Variants in L3MBTL1 observed in about 807,000 individuals in gnomAD.
L3MBTL1 encodes L3MBTL histone methyl-lysine binding protein 1, also known as lethal(3)malignant brain tumor-like protein 1.
Under a neutral mutation model 105.3 loss-of-function variants are expected in L3MBTL1, and 75 were observed. The observed-to-expected ratio is 0.71, with a 90% CI of 0.59 to 0.86. L3MBTL1 has a LOEUF of 0.86. Among genes scored for constraint, L3MBTL1 ranks in the 40% least tolerant of loss-of-function variants. The pLI, the probability that L3MBTL1 is intolerant of heterozygous loss-of-function variation, is 0.00. For missense variants in L3MBTL1, 1,069 were observed against 1,126.4 expected (o/e 0.95, Z 0.73); for synonymous variants, 452 against 436.2 (o/e 1.04, Z -0.45).
chr20:43,533,340 A>T lies in L3MBTL1; in HGVS notation c.1437-2A>T, dbSNP rs759312167. On this transcript the variant is annotated splice_acceptor_variant, in intron 12 of 21. Coordinates refer to ENST00000418998, the MANE Select transcript of L3MBTL1 (RefSeq NM_001377303.1). LOFTEE classifies it high-confidence loss of function. Reference sequence around the variant, plus strand: ...GGACAGTGACATGTTCTTGGATTTCAGGTGTGATCCCAGCAGCCCCTACAT... The same window carrying T: ...GGACAGTGACATGTTCTTGGATTTCTGGTGTGATCCCAGCAGCCCCTACAT... 6.2e-7 allele frequency: 1 copy of T among 1,613,388 alleles called. No homozygotes were observed. The highest frequency in any genetic ancestry group is 8.5e-7 in the Non-Finnish European group (1 of 1,179,690).
intron 7 of L3MBTL1, among the ~76,000 whole-genome samples, chr20:43,518,811 C>T (rs1051999863): frequency 9.8e-5 from 14 of 143,448 alleles, no homozygotes; most frequent in Non-Finnish European, 1.5e-4. Flanking sequence ...TTTGAGACCA[C>T]CCTGGCCAAC....
chr20:43,530,514 C>G (rs1252577130), intron 10 of L3MBTL1, 95 bp downstream of exon 10: 21 of 1,399,116 alleles, frequency 1.5e-5, no homozygotes, highest in Admixed American at 4.3e-5. Flanking sequence ...CTTTTGTTTT[C>G]TGACCCTGTA....
rs1374174343 is a variant in L3MBTL1 at position 43,514,005 on chromosome 20, G to C, written c.304G>C (p.Val102Leu). 5 of 1,542,350 alleles carry C rather than the reference G, an allele frequency of 3.2e-6. No homozygotes were observed. The South Asian group carries it at 5.9e-5, about 18-fold the overall frequency. The change falls in exon 3 of 22, where the codon GTG becomes CTG. Residue 102 changes from valine (V) to leucine (L), a missense_variant. Physicochemically the swap from Val to Leu is conservative, Grantham distance 32 (BLOSUM62 1). Transcript: ENST00000418998. ...GCCGGCCAGCTCCAGCACCAGCACA[G>C]TGCGGCTTCTGGAATGGACAGAGGC... is the stretch of plus-strand genomic sequence containing the variant. ...AGPASSSTSTVRLLEWTEAAA... is the reference protein window; with the variant it reads ...AGPASSSTSTLRLLEWTEAAA...
chr20:43,511,431 T>C (rs1474041326), intron 1 of L3MBTL1, among the ~76,000 whole-genome samples: 2 of 152,224 alleles, frequency 1.3e-5, no homozygotes, highest in East Asian at 3.9e-4. Context: ...AAGAAATATA[T>C]AATAGTAATG....
chr20:43,537,491 T>TTAA (rs11473695), intron 19 of L3MBTL1, among the ~76,000 whole-genome samples: 42,830 of 152,042 alleles, frequency 0.28, 6,138 homozygotes, highest in East Asian at 0.42. Context: ...ATGACTTCAT[T>TTAA]TTAACTTAAT....
chr20:43,511,836 T>A (rs1037746235), intron 1 of L3MBTL1, among the ~76,000 whole-genome samples: 1 of 149,498 alleles, frequency 6.7e-6, no homozygotes, highest in African/African-American at 2.5e-5. Flanking sequence ...GAGGTGACTA[T>A]TGAGTTAAGG....
chr20:43,509,735 C>T (rs965937374), intron 1 of L3MBTL1, among the ~76,000 whole-genome samples: 132 of 152,298 alleles, frequency 8.7e-4, no homozygotes, highest in African/African-American at 3.0e-3. Context: ...CAAACAGAAA[C>T]GTAGTCTTCA....
rs769142028 is a variant in L3MBTL1, at chr20:43,532,973, G to A, written c.1436+49G>A. ...CCTCAGGGGGTGAGGGGATGGCAGG[G>A]GGCAACTGCTTTCATATCTCAGGTA... On this transcript the variant is annotated intron_variant, in intron 12 of 21. Transcript: ENST00000418998. 4.4e-6 allele frequency: 7 copies of A among 1,596,944 alleles called. No individual in the cohort carries two copies. The South Asian group carries it at 4.4e-5, about 10-fold the overall frequency.
exon 19 of L3MBTL1, chr20:43,548,224 C>A: frequency 7.7e-7 from 1 of 1,304,258 alleles, no homozygotes; most frequent in Non-Finnish European, 1.0e-6. Context: ...TGTTCAAAAA[C>A]GCTGATGACA....
In L3MBTL1 at chr20:43,534,004, C is replaced by G; in HGVS notation, c.1514-4C>G. ...CTAGACATTGCTCTCATCCTCTCCT[C>G]CAGACTACCCAGACCCTGATAACTT... On this transcript the variant is annotated splice_region_variant and splice_polypyrimidine_tract_variant and intron_variant, in intron 13 of 21. Transcript: ENST00000418998. 6.2e-7 allele frequency: 1 copy of G among 1,612,768 alleles called. No homozygotes were observed. Among genetic ancestry groups the G allele is most frequent in the Non-Finnish European group, 8.5e-7 (1 of 1,178,836 alleles).
At chr20:43,542,946 CCCCTAG>C (rs1239001193), downstream of L3MBTL1, among the ~76,000 whole-genome samples, 1 of 152,126 alleles carries the variant, frequency 6.6e-6, no homozygotes, top group Non-Finnish European at 1.5e-5. Flanking sequence ...ATTTTCTCTT[CCCCTAG>C]ATTTGAACCC....
At chr20:43,517,036 GTCC>G (rs1418215090) in intron 7 of L3MBTL1, among the ~76,000 whole-genome samples, 1 of 149,396 alleles carries the variant, frequency 6.7e-6, no homozygotes, top group East Asian at 2.0e-4. Flanking sequence ...GGCTCAAGCA[GTCC>G]TCCTGCCTAG....
intron 1 of L3MBTL1, among the ~76,000 whole-genome samples, chr20:43,510,236 G>C (rs1293015042): frequency 6.6e-6 from 1 of 151,864 alleles, no homozygotes; most frequent in Non-Finnish European, 1.5e-5. Context: ...TGAGCTCAAA[G>C]CGATCCACCC....
chr20:43,541,317 A>T lies in L3MBTL1; in HGVS notation c.*189A>T. On this transcript the variant is annotated 3_prime_UTR_variant, in exon 22 of 22. Transcript: ENST00000418998. The stretch of plus-strand genomic sequence containing the variant: ...TCTGGGTTTAAATCCCAGTTCTGTC[A>T]ATTTGAGCTGTTTACTGTCTCTGAG... The T allele has an allele frequency of 8.7e-7, 1 of 1,145,226 alleles. No homozygotes were observed. The highest frequency in any genetic ancestry group is 1.2e-6 in the Non-Finnish European group (1 of 842,104). The allele number at this position is 1,145,226 out of a possible 1,614,324, so 70.9% of individuals were successfully genotyped here. A position where few individuals can be genotyped will look rare whatever the true frequency, so the allele number is the denominator to read the frequency against.
chr20:43,509,229 C>T (rs899820857), intron 1 of L3MBTL1, among the ~76,000 whole-genome samples: 1 of 151,782 alleles, frequency 6.6e-6, no homozygotes, highest in Non-Finnish European at 1.5e-5. Context: ...CCTCCCCTCC[C>T]CTCCCCTTTC....
chr20:43,530,527 C>G lies in L3MBTL1; in HGVS notation c.1192+108C>G, dbSNP rs941056448. The G allele has an allele frequency of 1.5e-5, 20 of 1,291,466 alleles. No homozygotes were observed. The African/African-American group carries it at 2.5e-4, about 16-fold the overall frequency. The allele number at this position is 1,291,466 out of a possible 1,614,324, so 80.0% of individuals were successfully genotyped here. A position where few individuals can be genotyped will look rare whatever the true frequency, so the allele number is the denominator to read the frequency against. Reference sequence around the variant, plus strand: ...CTCTTTTGTTTTCTGACCCTGTACCCTGTTCCAAAGCCAGCCTCTCTTCAT... The same window carrying G: ...CTCTTTTGTTTTCTGACCCTGTACCGTGTTCCAAAGCCAGCCTCTCTTCAT... On this transcript the variant is annotated intron_variant, in intron 10 of 21. Coordinates refer to ENST00000418998, the MANE Select transcript of L3MBTL1 (RefSeq NM_001377303.1).
At chr20:43,513,455 G>A in intron 1 of L3MBTL1, 21 bp from the exon 2 acceptor site, 1 of 1,543,018 alleles carries the variant, frequency 6.5e-7, no homozygotes, top group Non-Finnish European at 8.8e-7. Context: ...GATCACCCTG[G>A]GGGCTATGTT....
At chr20:43,547,663 C>T (rs747136385) in intron 18 of L3MBTL1, among the ~76,000 whole-genome samples, 5 of 152,146 alleles carry the variant, frequency 3.3e-5, no homozygotes, top group Non-Finnish European at 7.3e-5. Flanking sequence ...TTTGTACTGC[C>T]TCATGTTGGA....
chr20:43,529,068 A>C, intron 8 of L3MBTL1, 196 bp from the exon 9 acceptor site: 1 of 607,322 alleles, frequency 1.6e-6, no homozygotes, highest in Non-Finnish European at 2.9e-6. Context: ...GCCCTGACTC[A>C]CCCACATTTT....
Sources: allele counts gnomAD v4.1 joint callset (sites outside exome capture counted in the v4.1 genomes callset), GRCh38; gene constraint gnomAD v4.1.1; transcripts MANE v1.5; gene names NCBI Gene and HGNC (gene_info 2026-07-23, HGNC 2026-07-21).